RPS6KC1: variants seen among roughly 807,000 people sequenced by gnomAD.
RPS6KC1 encodes ribosomal protein S6 kinase C1, also known as inactive ribosomal protein S6 kinase delta-1.
In RPS6KC1, 54 loss-of-function variants were observed where a neutral mutation model predicts 103.8. That is an observed-to-expected ratio of 0.52 (90% confidence interval 0.42 to 0.65). The LOEUF (loss-of-function observed/expected upper bound fraction) is 0.65. RPS6KC1 is among the 30% of genes least tolerant of loss of function. RPS6KC1 has a pLI of 0.00. For missense variants in RPS6KC1, 1,151 were observed against 1,253.8 expected (o/e 0.92, Z 1.24); for synonymous variants, 439 against 438.7 (o/e 1.00, Z -0.01).
At chr1:213,621,475 C>T in the RPS6KC1 span, among the ~76,000 whole-genome samples, 4 of 151,964 alleles carry the variant, frequency 2.6e-5, no homozygotes, top group Non-Finnish European at 2.9e-5. Flanking sequence ...GGTCACATGA[C>T]GCCTAAGTCA....
intron 14 of RPS6KC1, among the ~76,000 whole-genome samples, chr1:213,264,279 C>T (rs887891616): frequency 1.3e-5 from 2 of 151,834 alleles, no homozygotes; most frequent in East Asian, 1.9e-4. Context: ...GATGAGAATA[C>T]CTAGAGCACT....
chr1:213,518,955 G>A, the RPS6KC1 span, among the ~76,000 whole-genome samples: 35 of 152,168 alleles, frequency 2.3e-4, 1 homozygote, highest in Middle Eastern at 3.4e-3. Flanking sequence ...AGAAGGGAAG[G>A]GATATCTCAG....
At chr1:213,203,532 A>T (rs1573244003) in intron 8 of RPS6KC1, among the ~76,000 whole-genome samples, 1 of 151,802 alleles carries the variant, frequency 6.6e-6, no homozygotes, top group East Asian at 1.9e-4. Flanking sequence ...CTTTTCCTAA[A>T]TTTTTTTATT....
the RPS6KC1 span, among the ~76,000 whole-genome samples, chr1:213,665,488 A>G: frequency 6.6e-6 from 1 of 152,078 alleles, no homozygotes; most frequent in African/African-American, 2.4e-5. Flanking sequence ...TAAAACAACA[A>G]TAAGCATAAT....
At chr1:213,294,182 C>G in the RPS6KC1 span, among the ~76,000 whole-genome samples, 2 of 152,156 alleles carry the variant, frequency 1.3e-5, no homozygotes, top group Non-Finnish European at 2.9e-5. Flanking sequence ...TCCGCTGAAG[C>G]TCAGCTAATT....
chr1:213,178,882 A>C (rs139970715), intron 8 of RPS6KC1, among the ~76,000 whole-genome samples: 2 of 151,850 alleles, frequency 1.3e-5, no homozygotes, highest in South Asian at 4.2e-4. Context: ...TGCCTGGCTA[A>C]TAGTTTTTTG....
the RPS6KC1 span, among the ~76,000 whole-genome samples, chr1:213,525,497 C>CT: frequency 6.6e-6 from 1 of 151,980 alleles, no homozygotes; most frequent in African/African-American, 2.4e-5. Flanking sequence ...CCAGCTGGGG[C>CT]TATAATACAT....
At chr1:213,841,480 G>A in the RPS6KC1 span, 4 of 152,258 alleles carry the variant, frequency 2.6e-5, no homozygotes, top group South Asian at 2.1e-4. Context: ...AACGTGAAGC[G>A]TTCTGACAGC....
intron 8 of RPS6KC1, among the ~76,000 whole-genome samples, chr1:213,182,395 G>A (rs1468532857): frequency 6.6e-6 from 1 of 152,092 alleles, no homozygotes; most frequent in East Asian, 1.9e-4. Context: ...GGAGGCTGAG[G>A]CATGAGAATC....
the RPS6KC1 span, among the ~76,000 whole-genome samples, chr1:213,641,634 G>A: frequency 6.6e-6 from 1 of 151,802 alleles, no homozygotes; most frequent in Non-Finnish European, 1.5e-5. Flanking sequence ...AGCATGTGTG[G>A]GTTAAAGCTT....
the RPS6KC1 span, among the ~76,000 whole-genome samples, chr1:213,687,467 T>A: frequency 5.3e-5 from 8 of 152,330 alleles, no homozygotes; most frequent in East Asian, 1.5e-3. Context: ...ACCCCACTTT[T>A]ACCAGCATTT....
At chr1:213,767,055 C>G in the RPS6KC1 span, among the ~76,000 whole-genome samples, 1 of 152,168 alleles carries the variant, frequency 6.6e-6, no homozygotes, top group African/African-American at 2.4e-5. Flanking sequence ...CTTTAGATTC[C>G]CACTCCTGTG....
At chr1:213,250,887 A>G (rs956978162) in intron 12 of RPS6KC1, among the ~76,000 whole-genome samples, 1 of 152,196 alleles carries the variant, frequency 6.6e-6, no homozygotes, top group Non-Finnish European at 1.5e-5. Flanking sequence ...GTTGTCCTAC[A>G]ATACATTTAA....
intron 1 of RPS6KC1, among the ~76,000 whole-genome samples, chr1:213,068,483 C>CAAAAAA (rs71147057): frequency 2.8e-5 from 1 of 36,362 alleles, no homozygotes; most frequent in African/African-American, 1.1e-4. Flanking sequence ...GACTCTGTCT[C>CAAAAAA]AAAAAAAAAA....
At chr1:213,491,065 C>G in the RPS6KC1 span, among the ~76,000 whole-genome samples, 1 of 152,112 alleles carries the variant, frequency 6.6e-6, no homozygotes, top group African/African-American at 2.4e-5. Context: ...CTCCCCTTGC[C>G]CACCCCAATG....
chr1:213,220,543 C>G lies in RPS6KC1; in HGVS notation c.1045-9954C>G, dbSNP rs188403578. 2.8e-3 allele frequency among the ~76,000 whole-genome samples: 420 copies of G among 152,244 alleles called. 4 individuals carry two copies. Among genetic ancestry groups the G allele is most frequent in the African/African-American group, 9.7e-3 (401 of 41,540 alleles). ...GTTTCACCATGTTGGTCAGGCTGGTCTCGAACTCCTGGCCTCAGCAATCTG... is the reference window on the plus strand; with the variant it reads ...GTTTCACCATGTTGGTCAGGCTGGTGTCGAACTCCTGGCCTCAGCAATCTG... On this transcript the variant is annotated intron_variant, in intron 8 of 14. Coordinates refer to ENST00000366960, the MANE Select transcript of RPS6KC1 (RefSeq NM_012424.6).
At chr1:213,282,983 T>A in the RPS6KC1 span, among the ~76,000 whole-genome samples, 1 of 152,214 alleles carries the variant, frequency 6.6e-6, no homozygotes. Context: ...CCAGTTGGCA[T>A]GGCCAGCTAA....
chr1:213,722,344 G>C, the RPS6KC1 span, among the ~76,000 whole-genome samples: 1 of 152,018 alleles, frequency 6.6e-6, no homozygotes, highest in African/African-American at 2.4e-5. Flanking sequence ...TATTCTCTGG[G>C]TTTGGAATTC....
intron 3 of RPS6KC1, among the ~76,000 whole-genome samples, chr1:213,086,625 A>G (rs1378913047): frequency 4.6e-5 from 7 of 152,298 alleles, no homozygotes; most frequent in Admixed American, 2.6e-4. Flanking sequence ...CCCTATTTAA[A>G]TTGCTGTATG....
Sources: gnomAD v4.1 joint callset for allele counts (sites outside exome capture counted in the v4.1 genomes callset) on GRCh38, gnomAD v4.1.1 for gene constraint, MANE v1.5 for transcripts, NCBI Gene and HGNC (gene_info 2026-07-23, HGNC 2026-07-21) for gene names.